TTC23L: variants seen among roughly 807,000 people sequenced by gnomAD.
TTC23L encodes tetratricopeptide repeat domain 23 like, also known as tetratricopeptide repeat protein 23-like.
A neutral mutation model predicts 48.1 loss-of-function variants in TTC23L; 42 were observed. The ratio of observed to expected loss-of-function variants is 0.87; its 90% CI spans 0.68 to 1.13. The LOEUF is 1.13. Among genes scored for constraint, TTC23L ranks in the 50% most tolerant of loss-of-function variants. The pLI, the probability that TTC23L is intolerant of heterozygous loss-of-function variation, is 0.00. For missense variants in TTC23L, 391 were observed against 421.0 expected (o/e 0.93, Z 0.62); for synonymous variants, 159 against 157.2 (o/e 1.01, Z -0.09).
At chr5:34,869,721 A>G (rs554500207) in intron 8 of TTC23L, 16 of 152,292 alleles carry the variant, frequency 1.1e-4, no homozygotes, top group African/African-American at 3.6e-4. Context: ...TATAAAAGTA[A>G]CCTTTTTGTG....
chr5:34,882,859 G>A (rs964460090), intron 9 of TTC23L, among the ~76,000 whole-genome samples: 1 of 152,066 alleles, frequency 6.6e-6, no homozygotes, highest in South Asian at 2.1e-4. Context: ...GGGCAACAAA[G>A]TGAGACCCTC....
chr5:34,843,232 A>G (rs1222005180), intron 2 of TTC23L, among the ~76,000 whole-genome samples: 3 of 152,248 alleles, frequency 2.0e-5, no homozygotes, highest in African/African-American at 7.2e-5. Flanking sequence ...GATAATTTAT[A>G]TCGAACATTA....
chr5:34,907,983 C>G, the TTC23L span: 1 of 152,200 alleles, frequency 6.6e-6, no homozygotes. Flanking sequence ...GCCTCCTCCC[C>G]AGAGTTTGCT....
chr5:34,892,200 C>A (rs1472828225), intron 9 of TTC23L, among the ~76,000 whole-genome samples: 1 of 152,216 alleles, frequency 6.6e-6, no homozygotes, highest in Non-Finnish European at 1.5e-5. Context: ...GATGTACTCT[C>A]CTGCTTCTTA....
intron 9 of TTC23L, among the ~76,000 whole-genome samples, chr5:34,893,357 A>G (rs1264692429): frequency 6.6e-6 from 1 of 152,202 alleles, no homozygotes; most frequent in African/African-American, 2.4e-5. Flanking sequence ...CCCACAATAC[A>G]TTCACCTGGC....
At chr5:34,902,472 TG>T (rs1763532460), downstream of TTC23L, 1 of 303,884 alleles carries the variant, frequency 3.3e-6, no homozygotes, top group African/African-American at 2.2e-5. Context: ...GGGATCCAAG[TG>T]TATCACTATC....
chr5:34,911,917 AT>A, the TTC23L span: 46 of 1,298,522 alleles, frequency 3.5e-5, no homozygotes, highest in South Asian at 6.5e-4. Context: ...ATTCCGCCCA[AT>A]TTCTCACATA....
At chr5:34,862,243 T>G (rs12109893) in intron 4 of TTC23L, among the ~76,000 whole-genome samples, 21,000 of 152,138 alleles carry the variant, frequency 0.14, 1,690 homozygotes, top group South Asian at 0.21. Flanking sequence ...CCTCCCTGCA[T>G]TTAGCAATTG....
the TTC23L span, chr5:34,913,587 A>C: frequency 2.0e-6 from 3 of 1,520,176 alleles, no homozygotes; most frequent in Non-Finnish European, 2.7e-6. Flanking sequence ...GCCTATGAAA[A>C]GAGTAAAAAT....
At chr5:34,898,327 T>C (rs942566790) in intron 10 of TTC23L, among the ~76,000 whole-genome samples, 3 of 152,174 alleles carry the variant, frequency 2.0e-5, no homozygotes, top group Admixed American at 6.5e-5. Flanking sequence ...GAAAAAGATA[T>C]AGACTTATCA....
At chr5:34,896,383 A>C (rs1466535658) in intron 9 of TTC23L, among the ~76,000 whole-genome samples, 3 of 152,170 alleles carry the variant, frequency 2.0e-5, no homozygotes, top group Admixed American at 2.0e-4. Context: ...CTGGACTTCT[A>C]CCACATACTT....
the TTC23L span, chr5:34,914,852 T>C: frequency 1.2e-6 from 2 of 1,614,060 alleles, no homozygotes; most frequent in African/African-American, 1.3e-5. Context: ...AAGGCTGTAC[T>C]GATCATCCTC....
intron 7 of TTC23L, 163 bp downstream of exon 7, chr5:34,867,232 C>A: frequency 1.4e-6 from 1 of 739,316 alleles, no homozygotes; most frequent in Non-Finnish European, 2.3e-6. Context: ...TTGATCAAAC[C>A]TTAAATGACC....
downstream of TTC23L, chr5:34,902,435 A>G (rs111372429): frequency 1.8e-5 from 7 of 382,240 alleles, no homozygotes; most frequent in African/African-American, 1.2e-4. Context: ...ATTAATAATA[A>G]TACAGCTCAA....
At chr5:34,864,036 C>T (rs1377645577) in intron 5 of TTC23L, among the ~76,000 whole-genome samples, 4 of 152,208 alleles carry the variant, frequency 2.6e-5, no homozygotes, top group Non-Finnish European at 5.9e-5. Context: ...TTTGCTTGGA[C>T]TTTCTAAATG....
chr5:34,843,746 G>T (rs927718825), intron 2 of TTC23L, among the ~76,000 whole-genome samples: 2 of 152,042 alleles, frequency 1.3e-5, no homozygotes, highest in Non-Finnish European at 2.9e-5. Flanking sequence ...ATGATCTCTT[G>T]CCACAGATTT....
At chr5:34,925,418 T>G in the TTC23L span, 3 of 1,613,806 alleles carry the variant, frequency 1.9e-6, no homozygotes, top group Non-Finnish European at 2.5e-6. Flanking sequence ...AAAAGTTGAT[T>G]TGAAAGCAAG....
intron 9 of TTC23L, among the ~76,000 whole-genome samples, chr5:34,880,888 C>T (rs186226181): frequency 1.2e-3 from 180 of 152,282 alleles, no homozygotes; most frequent in African/African-American, 4.2e-3. Flanking sequence ...ATCCACCTGC[C>T]TTGGCCTCCC....
chr5:34,924,264 G>GC, the TTC23L span, among the ~76,000 whole-genome samples: 2 of 152,228 alleles, frequency 1.3e-5, no homozygotes, highest in African/African-American at 4.8e-5. Flanking sequence ...CATAAACTGA[G>GC]CTCTTTTCTG....
Sources: allele counts gnomAD v4.1 joint callset (sites outside exome capture counted in the v4.1 genomes callset), GRCh38; gene constraint gnomAD v4.1.1; transcripts MANE v1.5; gene names NCBI Gene and HGNC (gene_info 2026-07-23, HGNC 2026-07-21).